The following VWA3A variants were observed in gnomAD, a reference collection of about 807,000 sequenced individuals.
VWA3A encodes the protein von Willebrand factor A domain-containing protein 3A.
VWA3A carries 134 observed loss-of-function variants against 160.4 expected under a neutral mutation model. The ratio of observed to expected loss-of-function variants is 0.84; its 90% CI spans 0.73 to 0.96. The LOEUF (loss-of-function observed/expected upper bound fraction) is 0.96. Ranked by LOEUF, VWA3A falls within the 40% of genes least tolerant of loss-of-function variation. VWA3A has a pLI of 0.00. For synonymous variants in VWA3A, 476 were observed against 543.4 expected (o/e 0.88, Z 1.72); for missense variants, 1,310 against 1,447.9 (o/e 0.90, Z 1.55).
At chr16:22,117,911 G>T (rs1424410181) in intron 11 of VWA3A, among the ~76,000 whole-genome samples, 1 of 152,170 alleles carries the variant, frequency 6.6e-6, no homozygotes, top group Non-Finnish European at 1.5e-5. Context: ...CTCTCTGCAG[G>T]TGACTCAGAC....
chr16:22,126,431 G>A (rs1038675268), intron 17 of VWA3A, 134 bp downstream of exon 17: 76 of 1,285,720 alleles, frequency 5.9e-5, no homozygotes, highest in South Asian at 7.9e-5. Context: ...GATAGCCATC[G>A]GTTTATCTGA....
Position 22,110,999 on chromosome 16 carries a change from G to A in VWA3A, c.689+5G>A. The A allele has an allele frequency of 6.3e-7, 1 of 1,598,074 alleles. No individual in the cohort carries two copies. On this transcript the variant is annotated splice_donor_5th_base_variant and intron_variant, in intron 8 of 33. Transcript: ENST00000389398. ...CATGGAAGTCAGCGCCTCCACGTGA[G>A]TGGCTTTCCTACCTGACGGTGATGT...
rs200229003 is a variant in VWA3A, at chr16:22,131,225, G to A, written c.1673G>A (p.Ser558Asn). The change falls in exon 18 of 34, where the codon AGC becomes AAC. Residue 558 changes from serine to asparagine, a missense_variant. By Grantham distance (46) the Ser-to-Asn change is conservative. Coordinates refer to ENST00000389398, the MANE Select transcript of VWA3A (RefSeq NM_173615.5). ...TAAAGGTTTGGAAGCACAATTGAAA[G>A]CTGGAGGCCTGAGATGGTTCCCGTG... is the stretch of plus-strand genomic sequence containing the variant. The part of the protein sequence containing the change: ...NLIAFGSTIE[S>N]WRPEMVPVSH... 9.9e-5 allele frequency: 160 copies of A among 1,613,860 alleles called. No individual in the cohort carries two copies. The highest frequency in any genetic ancestry group is 1.3e-4 in the Non-Finnish European group (154 of 1,179,890).
intron 9 of VWA3A, among the ~76,000 whole-genome samples, chr16:22,115,906 GAA>G (rs2045628510): frequency 5.4e-5 from 2 of 36,976 alleles, no homozygotes; most frequent in African/African-American, 5.4e-4. Flanking sequence ...AGGAAGGAAG[GAA>G]GGAAGGAAGG....
chr16:22,146,128 T>G, intron 26 of VWA3A, 108 bp from the exon 27 acceptor site: 2 of 889,862 alleles, frequency 2.2e-6, no homozygotes, highest in African/African-American at 1.7e-5. Context: ...AGCCAACAAA[T>G]ATTTTGAGAA....
intron 1 of VWA3A, among the ~76,000 whole-genome samples, chr16:22,094,095 ATTTTG>A (rs1371666474): frequency 1.1e-4 from 16 of 151,970 alleles, no homozygotes; most frequent in Middle Eastern, 3.4e-3. Flanking sequence ...CTGGAGCACT[ATTTTG>A]TTTTGTTTAT....
intron 6 of VWA3A, among the ~76,000 whole-genome samples, chr16:22,105,156 G>A (rs187330470): frequency 4.6e-5 from 7 of 152,194 alleles, no homozygotes; most frequent in East Asian, 3.9e-4. Flanking sequence ...GAGACCCCAC[G>A]GGAATGAAAT....
At chr16:22,123,463 T>C in intron 15 of VWA3A, 150 bp from the exon 16 acceptor site, 1 of 1,553,120 alleles carries the variant, frequency 6.4e-7, no homozygotes, top group Non-Finnish European at 8.7e-7. Context: ...GTGAATTTGT[T>C]CATGATTTAG....
rs779522517 is a variant in VWA3A at position 22,142,746 on chromosome 16, C to G, written c.2573C>G (p.Thr858Arg). Reference protein sequence around the residue: ...SSSIDLPRKDTVCSSQEWVAK... With the variant: ...SSSIDLPRKDRVCSSQEWVAK... ...TCTATTGACTTACCCAGAAAGGATA[C>G]AGTTTGCTCAAGCCAAGAGGTATTA... The change falls in exon 25 of 34, where the codon ACA becomes AGA. Residue 858 changes from threonine (T) to arginine (R), a missense_variant. Thr to Arg is a moderately conservative substitution (Grantham distance 71, BLOSUM62 -1). Coordinates refer to ENST00000389398, the MANE Select transcript of VWA3A (RefSeq NM_173615.5). 10 of 1,571,004 alleles carry G rather than the reference C, an allele frequency of 6.4e-6. No individual in the cohort carries two copies. The South Asian group carries it at 1.1e-4, about 17-fold the overall frequency.
At position 22,148,316 on chromosome 16, in the gene VWA3A, G is replaced by A. The variant is rs182127771; in HGVS notation, c.2984+10G>A. 403 of 1,587,396 alleles carry A rather than the reference G, an allele frequency of 2.5e-4. 1 individual carries two copies. Among genetic ancestry groups the A allele is most frequent in the Admixed American group, 4.5e-4 (25 of 55,578 alleles). On this transcript the variant is annotated intron_variant, in intron 28 of 33. Transcript: ENST00000389398. Reference sequence around the variant, plus strand: ...GGAAGTGCTGTGACAGGTAGGAGGCGAGGGCTGATCAGGAAGATCAAAGGG... The same window carrying A: ...GGAAGTGCTGTGACAGGTAGGAGGCAAGGGCTGATCAGGAAGATCAAAGGG...
At chr16:22,145,288 T>G (rs2046228083) in intron 26 of VWA3A, among the ~76,000 whole-genome samples, 1 of 152,192 alleles carries the variant, frequency 6.6e-6, no homozygotes. Flanking sequence ...AAGTCATCTT[T>G]CAGTTCAAAA....
chr16:22,118,878 T>C (rs752638772), intron 11 of VWA3A, 24 bp from the exon 12 acceptor site: 2 of 1,613,506 alleles, frequency 1.2e-6, no homozygotes, highest in East Asian at 2.2e-5. Flanking sequence ...ATTCCGGATG[T>C]CTGATTGCTC....
intron 26 of VWA3A, among the ~76,000 whole-genome samples, chr16:22,144,830 G>A (rs2046219661): frequency 6.6e-6 from 1 of 152,010 alleles, no homozygotes. Flanking sequence ...GGGAGGATTA[G>A]TTGAGTCATG....
intron 29 of VWA3A, 29 bp downstream of exon 29, chr16:22,149,960 A>C (rs1479222444): frequency 6.3e-7 from 1 of 1,581,112 alleles, no homozygotes; most frequent in Non-Finnish European, 8.6e-7. Flanking sequence ...CCCGACCTTG[A>C]CGCAAAACAA....
At chr16:22,095,268 G>A (rs541126955) in intron 1 of VWA3A, among the ~76,000 whole-genome samples, 3 of 152,146 alleles carry the variant, frequency 2.0e-5, no homozygotes, top group Non-Finnish European at 4.4e-5. Context: ...AGATGATTAG[G>A]GTAGGGGAGA....
At chr16:22,122,999 G>A in intron 14 of VWA3A, 86 bp from the exon 15 acceptor site, 1 of 1,156,306 alleles carries the variant, frequency 8.6e-7, no homozygotes, top group Non-Finnish European at 1.3e-6. Flanking sequence ...TCACTCTCCT[G>A]CACCTGATTT....
chr16:22,148,133 C>T, intron 27 of VWA3A, 29 bp from the exon 28 acceptor site: 3 of 1,573,126 alleles, frequency 1.9e-6, no homozygotes, highest in Non-Finnish European at 1.7e-6. Flanking sequence ...CACTCCCTCC[C>T]TGCCTCTTCC....
At chr16:22,092,710 A>C in intron 1 of VWA3A, 59 bp downstream of exon 1, 4 of 1,546,138 alleles carry the variant, frequency 2.6e-6, no homozygotes, top group African/African-American at 1.4e-5. Context: ...GGGAGGCCAG[A>C]TACTAAGCTC....
chr16:22,136,667 T>G (rs2046046894), intron 21 of VWA3A, among the ~76,000 whole-genome samples: 1 of 151,958 alleles, frequency 6.6e-6, no homozygotes. Flanking sequence ...GGCCACTGGA[T>G]CTGCAGATCT....
Sources: allele counts gnomAD v4.1 joint callset (sites outside exome capture counted in the v4.1 genomes callset), GRCh38; gene constraint gnomAD v4.1.1; transcripts MANE v1.5; gene names NCBI Gene and HGNC (gene_info 2026-07-23, HGNC 2026-07-21).